The following ATF7IP2 variants were observed in gnomAD, a reference collection of about 807,000 sequenced individuals.
The protein encoded by ATF7IP2 is activating transcription factor 7-interacting protein 2.
In ATF7IP2, 42 loss-of-function variants were observed where a neutral mutation model predicts 64.2. The ratio of observed to expected loss-of-function variants is 0.65; its 90% CI spans 0.51 to 0.85. The LOEUF (loss-of-function observed/expected upper bound fraction) is 0.85, where lower values mean the gene tolerates loss of function less well. ATF7IP2 is among the 40% of genes least tolerant of loss of function. ATF7IP2 has a pLI of 0.00. For synonymous variants in ATF7IP2, 308 were observed against 272.8 expected (o/e 1.13, Z -1.27); for missense variants, 933 against 784.2 (o/e 1.19, Z -2.27).
At chr16:10,388,090 C>G (rs976328428) in intron 1 of ATF7IP2, among the ~76,000 whole-genome samples, 2 of 152,076 alleles carry the variant, frequency 1.3e-5, no homozygotes, top group Non-Finnish European at 2.9e-5. Context: ...GGGGTTTCAC[C>G]GTGTTGGCCA....
chr16:10,423,633 C>A (rs955805218), intron 3 of ATF7IP2, among the ~76,000 whole-genome samples: 3 of 152,198 alleles, frequency 2.0e-5, no homozygotes, highest in African/African-American at 7.2e-5. Context: ...CACTCTTTTT[C>A]TTCAAAATAA....
intron 6 of ATF7IP2, among the ~76,000 whole-genome samples, chr16:10,435,670 G>C (rs2048397294): frequency 6.6e-6 from 1 of 152,226 alleles, no homozygotes; most frequent in Non-Finnish European, 1.5e-5. Flanking sequence ...ACCACCAGGA[G>C]TACTTGTTTA....
intron 6 of ATF7IP2, among the ~76,000 whole-genome samples, chr16:10,433,991 CTT>C (rs1288187307): frequency 1.3e-5 from 2 of 152,172 alleles, no homozygotes; most frequent in South Asian, 2.1e-4. Flanking sequence ...AATCCAGTCT[CTT>C]TTGTACTAGT....
At chr16:10,453,291 G>A (rs2141993903) in intron 8 of ATF7IP2, among the ~76,000 whole-genome samples, 1 of 152,296 alleles carries the variant, frequency 6.6e-6, no homozygotes, top group Middle Eastern at 3.4e-3. Context: ...GGGCTGGAGT[G>A]TACCGTTCCT....
At chr16:10,432,957 A>C (rs910729785) in intron 5 of ATF7IP2, among the ~76,000 whole-genome samples, 1 of 152,106 alleles carries the variant, frequency 6.6e-6, no homozygotes, top group African/African-American at 2.4e-5. Context: ...AAATGCCATA[A>C]TTTGTTAAGT....
At chr16:10,433,428 G>A in intron 5 of ATF7IP2, 97 bp from the exon 6 acceptor site, 1 of 1,134,434 alleles carries the variant, frequency 8.8e-7, no homozygotes, top group Non-Finnish European at 1.3e-6. Flanking sequence ...TCCCTCCTTA[G>A]CCTCCCAGAG....
intron 8 of ATF7IP2, among the ~76,000 whole-genome samples, chr16:10,455,696 A>G (rs577012596): frequency 6.6e-6 from 1 of 152,336 alleles, no homozygotes; most frequent in African/African-American, 2.4e-5. Flanking sequence ...TTTGGAAGTT[A>G]AAGACTGCCC....
chr16:10,426,423 C>T (rs2048087098), intron 3 of ATF7IP2, among the ~76,000 whole-genome samples: 1 of 152,158 alleles, frequency 6.6e-6, no homozygotes, highest in African/African-American at 2.4e-5. Flanking sequence ...CTTGTCTCCC[C>T]TAAGCATTCT....
In ATF7IP2 at chr16:10,472,263, A is replaced by G. The variant is rs531821400; in HGVS notation, c.1426+80A>G. ...TGTTTGCTTTAAAGTGAAAAATTGAATAATATCTTTTAATAAAATGAAAAA... is the reference window on the plus strand; with the variant it reads ...TGTTTGCTTTAAAGTGAAAAATTGAGTAATATCTTTTAATAAAATGAAAAA... On this transcript the variant is annotated intron_variant, in intron 10 of 13. Transcript: ENST00000562102. 3.8e-5 allele frequency: 25 copies of G among 662,560 alleles called. No homozygotes were observed. In the Admixed American group the frequency reaches 6.3e-4, roughly 17 times the overall value. The allele number at this position is 662,560 out of a possible 1,614,324, so 41.0% of individuals were successfully genotyped here.
At chr16:10,436,687 G>A (rs958909168) in intron 6 of ATF7IP2, among the ~76,000 whole-genome samples, 3 of 151,778 alleles carry the variant, frequency 2.0e-5, no homozygotes, top group African/African-American at 7.3e-5. Context: ...AGATACTGGA[G>A]GAAAAAATAT....
intron 6 of ATF7IP2, among the ~76,000 whole-genome samples, chr16:10,437,696 C>G (rs1307152637): frequency 6.6e-6 from 1 of 152,160 alleles, no homozygotes; most frequent in Non-Finnish European, 1.5e-5. Flanking sequence ...GACCAACCAA[C>G]CATTTTCATC....
intron 1 of ATF7IP2, among the ~76,000 whole-genome samples, chr16:10,412,010 G>GTTTTTTTTTTTTTTTTTTTTTTT (rs71133351): frequency 3.4e-5 from 2 of 58,390 alleles, no homozygotes; most frequent in Admixed American, 5.2e-4. Context: ...ATCTTTTTTT[G>GTTTTTTTTTTTTTTTTTTTTTTT]TTTTTTTTTT....
intron 1 of ATF7IP2, among the ~76,000 whole-genome samples, chr16:10,402,614 C>T (rs1352341862): frequency 6.6e-6 from 1 of 152,046 alleles, no homozygotes. Context: ...CAAGCATGTG[C>T]CACCATGCTT....
chr16:10,430,177 A>G (rs977015631), intron 4 of ATF7IP2, among the ~76,000 whole-genome samples: 1 of 152,182 alleles, frequency 6.6e-6, no homozygotes, highest in Non-Finnish European at 1.5e-5. Context: ...AAACTTGAAC[A>G]TTAGGAAAGC....
chr16:10,448,445 C>T (rs1001369950), intron 8 of ATF7IP2: 23 of 152,082 alleles, frequency 1.5e-4, no homozygotes, highest in African/African-American at 5.6e-4. Flanking sequence ...CTCTTATTTC[C>T]TTGAGCAGTG....
chr16:10,415,435 A>G (rs141258860), intron 2 of ATF7IP2, among the ~76,000 whole-genome samples: 1 of 152,354 alleles, frequency 6.6e-6, no homozygotes, highest in East Asian at 1.9e-4. Flanking sequence ...ATACAGAAGA[A>G]TGAAATTAGA....
intron 1 of ATF7IP2, among the ~76,000 whole-genome samples, chr16:10,408,482 C>T (rs1367149849): frequency 6.6e-6 from 1 of 152,204 alleles, no homozygotes; most frequent in African/African-American, 2.4e-5. Context: ...TCCATTTACA[C>T]CACATCCACA....
chr16:10,464,984 C>G (rs1346572629), intron 9 of ATF7IP2, among the ~76,000 whole-genome samples: 2 of 152,124 alleles, frequency 1.3e-5, no homozygotes, highest in Non-Finnish European at 2.9e-5. Flanking sequence ...GCATGTGTTG[C>G]CACGCCCAGC....
intron 1 of ATF7IP2, chr16:10,387,455 T>C (rs1567417358): frequency 1.3e-5 from 2 of 152,254 alleles, no homozygotes; most frequent in African/African-American, 2.4e-5. Context: ...CAGTGCCTTA[T>C]TGGAAATGAT....
Sources: gnomAD v4.1 joint callset for allele counts (sites outside exome capture counted in the v4.1 genomes callset) on GRCh38, gnomAD v4.1.1 for gene constraint, MANE v1.5 for transcripts, NCBI Gene and HGNC (gene_info 2026-07-23, HGNC 2026-07-21) for gene names.